The following TIAM1 variants were observed in gnomAD, a reference collection of about 807,000 sequenced individuals.
TIAM1 encodes the protein TIAM Rac1 associated GEF 1.
In TIAM1, 65 loss-of-function variants were observed where a neutral mutation model predicts 163.5. That is an observed-to-expected ratio of 0.40 (90% CI 0.33 to 0.49). The LOEUF is 0.49. Among genes scored for constraint, TIAM1 ranks in the 20% least tolerant of loss-of-function variants. The pLI is 0.77. For synonymous variants in TIAM1, 833 were observed against 810.1 expected, an observed-to-expected ratio of 1.03 and a Z score of -0.48; for missense variants, 1,789 against 2,044.7, an observed-to-expected ratio of 0.87 and a Z score of 2.41.
At position 31,217,605 on chromosome 21, in the gene TIAM1, C is replaced by A; in HGVS notation, c.2090G>T (p.Trp697Leu). 1 of 1,614,140 alleles carries A rather than the reference C, an allele frequency of 6.2e-7. No homozygotes were observed. Among genetic ancestry groups the A allele is most frequent in the East Asian group, 2.2e-5 (1 of 44,876 alleles). ...CTTTTTGGAGGTAGTATCCAGACCC[C>A]ACAGAGAAGAAAACCTGCTCCTTCG... is the stretch of plus-strand genomic sequence containing the variant. ...SKRRSRFSSL[W>L]GLDTTSKKKQ... The change falls in exon 9 of 28, where the codon TGG becomes TTG. Residue 697 changes from tryptophan to leucine, a missense_variant. This residue lies in a region of TIAM1 where 456 missense variants were observed against 586.6 expected (regional missense o/e 0.78). Transcript: ENST00000541036.
intron 13 of TIAM1, among the ~76,000 whole-genome samples, chr21:31,189,841 T>A (rs139941144): frequency 9.2e-4 from 140 of 152,280 alleles, no homozygotes; most frequent in South Asian, 1.7e-3. Context: ...ACAGCTGGAT[T>A]ATGTGGAACT....
At chr21:31,342,001 TAC>T (rs1038481208) in intron 1 of TIAM1, among the ~76,000 whole-genome samples, 5 of 152,108 alleles carry the variant, frequency 3.3e-5, no homozygotes, top group African/African-American at 1.2e-4. Flanking sequence ...GAAACATATC[TAC>T]AGATACTACA....
At chr21:31,209,429 A>C (rs1295348027) in intron 11 of TIAM1, among the ~76,000 whole-genome samples, 1 of 152,240 alleles carries the variant, frequency 6.6e-6, no homozygotes, top group Non-Finnish European at 1.5e-5. Flanking sequence ...TCCATGGTTT[A>C]AGGTGAAAGA....
At chr21:31,146,800 T>A (rs916038104) in intron 20 of TIAM1, 95 bp downstream of exon 20, 1 of 895,590 alleles carries the variant, frequency 1.1e-6, no homozygotes, top group Non-Finnish European at 1.8e-6. Context: ...TGGCAACCAA[T>A]GACTCTTAGA....
At chr21:31,435,544 C>T (rs944059119) in intron 2 of TIAM1, among the ~76,000 whole-genome samples, 1 of 152,186 alleles carries the variant, frequency 6.6e-6, no homozygotes, top group African/African-American at 2.4e-5. Context: ...TTCATTCACA[C>T]AGCAACTTAT....
At chr21:31,223,673 A>G in intron 7 of TIAM1, 82 bp from the exon 8 acceptor site, 3 of 1,383,000 alleles carry the variant, frequency 2.2e-6, no homozygotes, top group Non-Finnish European at 2.9e-6. Flanking sequence ...ACAGATCTAT[A>G]TGTCGTAAAG....
chr21:31,473,429 CA>C (rs56691495), intron 1 of TIAM1, among the ~76,000 whole-genome samples: 50 of 75,712 alleles, frequency 6.6e-4, no homozygotes, highest in Middle Eastern at 7.9e-3. Context: ...GACTCCATCT[CA>C]AAAAAAAAAA....
chr21:31,371,267 T>C (rs1423576086), intron 2 of TIAM1, among the ~76,000 whole-genome samples: 3 of 152,220 alleles, frequency 2.0e-5, no homozygotes, highest in African/African-American at 4.8e-5. Context: ...CGACTCTCCT[T>C]ATCATTCAGG....
intron 2 of TIAM1, among the ~76,000 whole-genome samples, chr21:31,396,446 G>C (rs1247039385): frequency 6.6e-6 from 1 of 151,954 alleles, no homozygotes; most frequent in Non-Finnish European, 1.5e-5. Context: ...GTCTAAAATA[G>C]ATACCTATCA....
chr21:31,539,358 C>T (rs375740596), intron 1 of TIAM1, among the ~76,000 whole-genome samples: 5 of 150,856 alleles, frequency 3.3e-5, no homozygotes, highest in South Asian at 2.1e-4. Flanking sequence ...CTCCACCTCC[C>T]GGGTTCACGC....
At chr21:31,350,806 T>C (rs964752237) in intron 2 of TIAM1, among the ~76,000 whole-genome samples, 4 of 152,280 alleles carry the variant, frequency 2.6e-5, no homozygotes, top group Non-Finnish European at 5.9e-5. Context: ...TATTTCTTTA[T>C]AGCAATGCAA....
At chr21:31,210,600 A>AAGAG (rs2086704951) in intron 10 of TIAM1, among the ~76,000 whole-genome samples, 1 of 117,676 alleles carries the variant, frequency 8.5e-6, no homozygotes, top group Non-Finnish European at 1.7e-5. Flanking sequence ...GAAAGAGAGA[A>AAGAG]AGAAGGAAGG....
rs1390219505 is a variant in TIAM1, at chr21:31,251,835, G to A, written c.1318C>T (p.Leu440=). ...AQGTVRKAGA[L]AVKNFLVHKK... ...TGCACCAGGAAGTTCTTGACGGCCA[G>A]GGCGCCGGCCTTGCGCACCGTGCCC... is the stretch of plus-strand genomic sequence containing the variant. The change falls in exon 5 of 28, where the codon CTG becomes TTG. Residue 440 remains leucine (L), a synonymous_variant. Coordinates refer to ENST00000541036, the MANE Select transcript of TIAM1 (RefSeq NM_001353694.2). 6 of 1,613,604 alleles carry A rather than the reference G, an allele frequency of 3.7e-6. No homozygotes were observed. The highest frequency in any genetic ancestry group is 1.1e-5 in the South Asian group (1 of 91,040).
Position 31,432,091 on chromosome 21 carries a change from CTTTTTTTTTT to C in TIAM1, c.-369+31882_-369+31891del, listed in dbSNP as rs11291911. Reference sequence around the variant, plus strand: ...TGAACATGTCAAAAATCTAAGATTCCTTTTTTTTTTTTTTTTTTTTTTTTTTTTGAGACGG... The same window carrying C: ...TGAACATGTCAAAAATCTAAGATTCCTTTTTTTTTTTTTTTTTTGAGACGG... On this transcript the variant is annotated intron_variant, in intron 2 of 28. Coordinates refer to the TIAM1 transcript ENST00000286827. Among the ~76,000 whole-genome samples the C allele has an allele frequency of 6.1e-3, 570 of 93,664 alleles. 2 individuals carry two copies. The highest frequency in any genetic ancestry group is 0.024 in the African/African-American group (515 of 21,784). 61.4% of individuals were successfully genotyped at this position (93,664 alleles called of 152,430 possible).
chr21:31,389,405 CG>C (rs2076932351), intron 2 of TIAM1, among the ~76,000 whole-genome samples: 1 of 152,124 alleles, frequency 6.6e-6, no homozygotes, highest in Non-Finnish European at 1.5e-5. Context: ...GACAGGGTTT[CG>C]CCATGTTGGC....
chr21:31,120,472 C>T lies in TIAM1; in HGVS notation c.4672G>A (p.Ala1558Thr), dbSNP rs773420577. 3 of 1,614,130 alleles carry T rather than the reference C, an allele frequency of 1.9e-6. No homozygotes were observed. In the African/African-American group the frequency reaches 4.0e-5, roughly 22 times the overall value. The change falls in exon 28 of 28, where the codon GCC (alanine) becomes ACC (threonine). Residue 1558 changes from alanine (A) to threonine (T), a missense_variant. Coordinates refer to ENST00000541036, the MANE Select transcript of TIAM1 (RefSeq NM_001353694.2). The surrounding 1 kb of genome is among the most constrained non-coding windows in gnomAD (Gnocchi z 4.2). ...AGGCCTCCATTGATCCCCGACAGGG[C>T]AGCTTGCTTCTTGAGCTGTGCCATG... ...SRMAQLKKQA[A>T]LSGINGGLES...
At chr21:31,145,778 G>A (rs2083078514) in intron 20 of TIAM1, among the ~76,000 whole-genome samples, 1 of 149,220 alleles carries the variant, frequency 6.7e-6, no homozygotes, top group Non-Finnish European at 1.5e-5. Flanking sequence ...TCCACAAAAA[G>A]GTATACGGTA....
At chr21:31,466,797 C>T (rs1487045339) in intron 1 of TIAM1, among the ~76,000 whole-genome samples, 1 of 152,022 alleles carries the variant, frequency 6.6e-6, no homozygotes, top group Non-Finnish European at 1.5e-5. Flanking sequence ...TAGAAATGGC[C>T]GTTTCTAAAC....
chr21:31,135,983 G>A lies in TIAM1; in HGVS notation c.3833C>T (p.Pro1278Leu), dbSNP rs148086955. 46 of 1,614,026 alleles carry A rather than the reference G, an allele frequency of 2.9e-5. No homozygotes were observed. The highest frequency in any genetic ancestry group is 3.7e-5 in the Non-Finnish European group (44 of 1,180,050). The change falls in exon 23 of 28, where the codon CCG becomes CTG. Residue 1278 changes from proline to leucine, a missense_variant. This residue lies in a region of TIAM1 where 415 missense variants were observed against 439.2 expected (regional missense o/e 0.94). Coordinates refer to ENST00000541036, the MANE Select transcript of TIAM1 (RefSeq NM_001353694.2). ...TTTCCACTTGCCCAGCGAGGCCGGCGGGTTCAGCCAGATCACGGTAGTGTG... is the reference window on the plus strand; with the variant it reads ...TTTCCACTTGCCCAGCGAGGCCGGCAGGTTCAGCCAGATCACGGTAGTGTG... ...LLHTTVIWLN[P>L]PASLGKWKKE...
Sources: allele counts gnomAD v4.1 joint callset (sites outside exome capture counted in the v4.1 genomes callset), GRCh38; gene constraint gnomAD v4.1.1; regional missense constraint gnomAD v4.1.1; non-coding constraint Gnocchi (gnomAD v3.1); transcripts MANE v1.5; gene names NCBI Gene and HGNC (gene_info 2026-07-23, HGNC 2026-07-21).